ABCF3: variants seen among roughly 807,000 people sequenced by gnomAD.
ABCF3 encodes ATP binding cassette subfamily F member 3.
A neutral mutation model predicts 94.3 loss-of-function variants in ABCF3; 62 were observed. The ratio of observed to expected loss-of-function variants is 0.66; its 90% confidence interval spans 0.54 to 0.81. The LOEUF is 0.81. Ranked by LOEUF, ABCF3 falls within the 40% of genes least tolerant of loss-of-function variation. ABCF3 has a pLI of 0.00. For missense variants in ABCF3, 843 were observed against 925.3 expected, an observed-to-expected ratio of 0.91 and a Z score of 1.15; for synonymous variants, 355 against 361.1, an observed-to-expected ratio of 0.98 and a Z score of 0.19.
chr3:184,186,911 T>C (rs1715662141), intron 3 of ABCF3, 36 bp downstream of exon 3: 3 of 1,592,578 alleles, frequency 1.9e-6, no homozygotes, highest in South Asian at 1.1e-5. Context: ...ACTGCCCCCC[T>C]GTGCTTTTCT....
At chr3:184,189,831 A>G (rs188814856) in intron 13 of ABCF3, 24 bp from the exon 14 acceptor site, 4 of 1,614,002 alleles carry the variant, frequency 2.5e-6, no homozygotes, top group Admixed American at 1.7e-5. Context: ...AATTTGACCA[A>G]TGCCTACACT....
rs1410264935 is a variant in ABCF3 at position 184,191,055 on chromosome 3, G to A, written c.1436+12G>A. Reference sequence around the variant, plus strand: ...GAGGTCGTAATGAAGTAAGTGCTGGGCCAGTGGGGCTGGTGGGGAATTGCT... The same window carrying A: ...GAGGTCGTAATGAAGTAAGTGCTGGACCAGTGGGGCTGGTGGGGAATTGCT... On this transcript the variant is annotated intron_variant, in intron 15 of 20. Coordinates refer to ENST00000429586, the MANE Select transcript of ABCF3 (RefSeq NM_018358.3). The A allele has an allele frequency of 1.2e-6, 2 of 1,614,186 alleles. No individual in the cohort carries two copies. The highest frequency in any genetic ancestry group is 2.2e-5 in the East Asian group (1 of 44,886).
At position 184,193,560 on chromosome 3, in the gene ABCF3, C is replaced by T. The variant is rs763777465; in HGVS notation, c.1992C>T (p.Ser664=). 3.7e-6 allele frequency: 6 copies of T among 1,614,142 alleles called. No homozygotes were observed. The highest frequency in any genetic ancestry group is 5.1e-6 in the Non-Finnish European group (6 of 1,180,008). ...NNFRGGVILV[S]HDERFIRLVC... is the part of the protein sequence containing the mutation. The stretch of plus-strand genomic sequence containing the variant: ...TTCAGGGTGGTGTGATTCTGGTGTC[C>T]CACGATGAGCGCTTTATCAGGCTGG... Residue 664 remains serine, a synonymous_variant, in exon 21 of 21, where the codon TCC becomes TCT. Coordinates refer to ENST00000429586, the MANE Select transcript of ABCF3 (RefSeq NM_018358.3). The surrounding 1 kb of genome is among the most constrained non-coding windows in gnomAD (Gnocchi z 5.2).
Position 184,187,693 on chromosome 3 carries a change from C to A in ABCF3, c.378C>A (p.Ala126=). ...STVNAKKLEK[A]EARLKAKQEK... The stretch of plus-strand genomic sequence containing the variant: ...TGAATGCAAAGAAGTTAGAGAAGGC[C>A]GAGGCTCGACTTAAGGCAAAGCAGG... The change falls in exon 5 of 21, where the codon GCC becomes GCA. Residue 126 remains alanine (A), a synonymous_variant. Transcript: ENST00000429586. The A allele has an allele frequency of 6.2e-7, 1 of 1,614,118 alleles. No individual in the cohort carries two copies. Among genetic ancestry groups the A allele is most frequent in the Non-Finnish European group, 8.5e-7 (1 of 1,180,040 alleles).
chr3:184,193,741 T>C lies in ABCF3; in HGVS notation c.*43T>C, dbSNP rs1206638853. 6.5e-7 allele frequency: 1 copy of C among 1,531,022 alleles called. No homozygotes were observed. The highest frequency in any genetic ancestry group is 8.8e-7 in the Non-Finnish European group (1 of 1,136,118). 94.8% of individuals were successfully genotyped at this position (1,531,022 alleles called of 1,614,324 possible). ...CTCGCCCAGGACATGGACTGGTCTC[T>C]CAGACCCCTGGGCCACCATGTAGGC... On this transcript the variant is annotated 3_prime_UTR_variant, in exon 21 of 21. Coordinates refer to ENST00000429586, the MANE Select transcript of ABCF3 (RefSeq NM_018358.3). This position sits in a 1 kb window ranked among gnomAD's most constrained non-coding sequence, Gnocchi z 5.2.
At chr3:184,187,077 A>AG in intron 3 of ABCF3, 1 of 641,404 alleles carries the variant, frequency 1.6e-6, no homozygotes, top group Non-Finnish European at 2.7e-6. Context: ...GCTCTTGGGT[A>AG]GGATAGGAAG....
In ABCF3 at chr3:184,187,143, A is replaced by C. The variant is rs1425908954; in HGVS notation, c.302-254A>C. Reference sequence around the variant, plus strand: ...TTCACCCCCAGTTTTGCAACTTGCTAACCAGCTGCATGATCTTGTAAGAGT... The same window carrying C: ...TTCACCCCCAGTTTTGCAACTTGCTCACCAGCTGCATGATCTTGTAAGAGT... On this transcript the variant is annotated intron_variant, in intron 3 of 20. Coordinates refer to ENST00000429586, the MANE Select transcript of ABCF3 (RefSeq NM_018358.3). 3 of 631,822 alleles carry C rather than the reference A, an allele frequency of 4.7e-6. No individual in the cohort carries two copies. In the African/African-American group the frequency reaches 5.5e-5, roughly 12 times the overall value. 39.1% of individuals were successfully genotyped at this position (631,822 alleles called of 1,614,324 possible). A position where few individuals can be genotyped will look rare whatever the true frequency, so the allele number is the denominator to read the frequency against.
chr3:184,188,064 C>T, intron 6 of ABCF3, 77 bp from the exon 7 acceptor site: 1 of 1,611,898 alleles, frequency 6.2e-7, no homozygotes, highest in Non-Finnish European at 8.5e-7. Flanking sequence ...GGGCTATAAA[C>T]AATGTTAGGT....
rs760328153 is a variant in ABCF3, at chr3:184,188,376, C to T, written c.805C>T (p.Arg269Trp). Residue 269 changes from arginine (R) to tryptophan (W), a missense_variant, in exon 7 of 21, where the codon CGG becomes TGG. By Grantham distance (101) the Arg-to-Trp change is moderately radical (BLOSUM62 -3). Transcript: ENST00000429586. ...SVREDLLRRE[R>W]ELTAQIAAGR... ...GCGAGAGGATTTGCTACGGAGGGAG[C>T]GGGAGCTCACTGCCCAGATTGCTGC... 20 of 1,611,660 alleles carry T rather than the reference C, an allele frequency of 1.2e-5. 1 individual carries two copies. The South Asian group carries it at 1.3e-4, about 11-fold the overall frequency.
At chr3:184,192,327 A>G (rs1366885599) in intron 16 of ABCF3, among the ~76,000 whole-genome samples, 1 of 152,184 alleles carries the variant, frequency 6.6e-6, no homozygotes, top group Admixed American at 6.5e-5. Flanking sequence ...ACAGTCTATC[A>G]TTGTGAACTG....
In ABCF3 at chr3:184,186,228, C is replaced by T. The variant is rs374706731; in HGVS notation, c.21C>T (p.Ile7=). 6 of 1,614,214 alleles carry T rather than the reference C, an allele frequency of 3.7e-6. No homozygotes were observed. The highest frequency in any genetic ancestry group is 1.6e-4 in the Middle Eastern group (1 of 6,062). The change falls in exon 1 of 21, where the codon ATC becomes ATT. Residue 7 remains isoleucine (I), a synonymous_variant. Transcript: ENST00000429586. ...GGAACATGGCGACTTGCGCCGAAAT[C>T]CTGCGGAGCGAGTTCCCCGAAATTG... The part of the protein sequence containing the change: MATCAE[I]LRSEFPEIDG...
In ABCF3 at chr3:184,188,167, A is replaced by T. The variant is rs1311605472; in HGVS notation, c.596A>T (p.Asn199Ile). The T allele has an allele frequency of 4.3e-6, 7 of 1,613,764 alleles. No homozygotes were observed. Among genetic ancestry groups the T allele is most frequent in the Non-Finnish European group, 5.9e-6 (7 of 1,180,022 alleles). Residue 199 changes from asparagine (N) to isoleucine (I), a missense_variant, in exon 7 of 21, where the codon AAC becomes ATC. By Grantham distance (149) the Asn-to-Ile change is moderately radical. Transcript: ENST00000429586. ...DRVLLAGADV[N>I]LAWGRRYGLV... ...GTACTGCTGGCTGGAGCGGATGTGA[A>T]CCTGGCATGGGGCCGCCGTTACGGG... is the stretch of plus-strand genomic sequence containing the variant.
intron 12 of ABCF3, 43 bp from the exon 13 acceptor site, chr3:184,189,514 G>C (rs1035028902): frequency 6.2e-7 from 1 of 1,613,886 alleles, no homozygotes; most frequent in Non-Finnish European, 8.5e-7. Flanking sequence ...CCTGAGAACT[G>C]ACTGCCCTCC....
chr3:184,192,799 C>T lies in ABCF3; in HGVS notation c.1659-6C>T. On this transcript the variant is annotated splice_polypyrimidine_tract_variant and splice_region_variant and intron_variant, in intron 17 of 20. Transcript: ENST00000429586. ...TCTGTTTTTCCACCTCGGCTTCTGC[C>T]TGCAGGAATCTGAAGATTGGCTATT... is the stretch of plus-strand genomic sequence containing the variant. The T allele has an allele frequency of 6.2e-7, 1 of 1,613,946 alleles. No homozygotes were observed.
rs1472537024 is a variant in ABCF3, at chr3:184,193,083, C to A, written c.1751-19C>A. Reference sequence around the variant, plus strand: ...GTGTTGGGCCAAGAAGCCACCTGATCTGGGGAGTCCTTTTCCAGGGCGGCC... The same window carrying A: ...GTGTTGGGCCAAGAAGCCACCTGATATGGGGAGTCCTTTTCCAGGGCGGCC... On this transcript the variant is annotated intron_variant, in intron 18 of 20. Transcript: ENST00000429586. The surrounding 1 kb of genome is among the most constrained non-coding windows in gnomAD (Gnocchi z 5.2). 2 of 1,535,362 alleles carry A rather than the reference C, an allele frequency of 1.3e-6. No individual in the cohort carries two copies. The highest frequency in any genetic ancestry group is 4.5e-5 in the East Asian group (2 of 44,272).
Position 184,187,997 on chromosome 3 carries a change from G to T in ABCF3, c.569+14G>T. On this transcript the variant is annotated intron_variant, in intron 6 of 20. Transcript: ENST00000429586. Reference sequence around the variant, plus strand: ...TTTTGGCGATAGGTGAGGGAATAGTGGTGGCAGGGGTTGGCTTTCTTTTTC... The same window carrying T: ...TTTTGGCGATAGGTGAGGGAATAGTTGTGGCAGGGGTTGGCTTTCTTTTTC... 4.3e-6 allele frequency: 7 copies of T among 1,613,836 alleles called. No individual in the cohort carries two copies. Among genetic ancestry groups the T allele is most frequent in the Non-Finnish European group, 5.9e-6 (7 of 1,180,038 alleles).
chr3:184,186,418 G>T, intron 1 of ABCF3, 89 bp from the exon 2 acceptor site: 1 of 1,582,850 alleles, frequency 6.3e-7, no homozygotes, highest in Non-Finnish European at 8.6e-7. Flanking sequence ...TGGGTCTGGA[G>T]CCTGGACTGG....
Position 184,193,617 on chromosome 3 carries a change from C to T in ABCF3, c.2049C>T (p.Gly683=), listed in dbSNP as rs376951098. 23 of 1,614,002 alleles carry T rather than the reference C, an allele frequency of 1.4e-5. No individual in the cohort carries two copies. Among genetic ancestry groups the T allele is most frequent in the African/African-American group, 4.0e-5 (3 of 74,920 alleles). Residue 683 remains glycine, a synonymous_variant, in exon 21 of 21, where the codon GGC becomes GGT. Transcript: ENST00000429586. This position sits in a 1 kb window ranked among gnomAD's most constrained non-coding sequence, Gnocchi z 5.2. ...GGGAGTTGTGGGTATGCGAAGGAGG[C>T]GGCGTCACCCGTGTGGAAGGAGGAT... The part of the protein sequence containing the change: ...VCRELWVCEG[G]GVTRVEGGFD...
chr3:184,189,637 C>T lies in ABCF3; in HGVS notation c.1194C>T (p.His398=), dbSNP rs749843624. 4 of 1,614,108 alleles carry T rather than the reference C, an allele frequency of 2.5e-6. No homozygotes were observed. The Admixed American group carries it at 5.0e-5, about 20-fold the overall frequency. ...TCGCCACAGACATCATCCACCTGCACAGCCAGCGGCTAGATGGTTACCGGG... is the reference window on the plus strand; with the variant it reads ...TCGCCACAGACATCATCCACCTGCATAGCCAGCGGCTAGATGGTTACCGGG... ...NAIATDIIHL[H]SQRLDGYRGD... is the part of the protein sequence containing the mutation. The change falls in exon 13 of 21, where the codon CAC becomes CAT. Residue 398 remains histidine (H), a synonymous_variant. Coordinates refer to ENST00000429586, the MANE Select transcript of ABCF3 (RefSeq NM_018358.3).
Sources: allele counts gnomAD v4.1 joint callset (sites outside exome capture counted in the v4.1 genomes callset), GRCh38; gene constraint gnomAD v4.1.1; non-coding constraint Gnocchi (gnomAD v3.1); transcripts MANE v1.5; gene names NCBI Gene and HGNC (gene_info 2026-07-23, HGNC 2026-07-21).